Variants in MAP3K21 observed in about 807,000 individuals in gnomAD.
The protein encoded by MAP3K21 is mitogen-activated protein kinase kinase kinase 21.
In MAP3K21, 63 loss-of-function variants were observed where a neutral mutation model predicts 86.1. That is an observed-to-expected ratio of 0.73 (90% CI 0.60 to 0.90). The LOEUF (loss-of-function observed/expected upper bound fraction) is 0.90. MAP3K21 is among the 40% of genes least tolerant of loss of function. The probability of loss-of-function intolerance (pLI) is 0.00; values close to 1 mark genes in which losing one functional copy is unlikely to be tolerated. For synonymous variants in MAP3K21, 558 were observed against 564.8 expected (o/e 0.99, Z 0.17); for missense variants, 1,220 against 1,367.7 (o/e 0.89, Z 1.70).
Position 233,359,823 on chromosome 1 carries a change from G to A in MAP3K21, c.1312-2230G>A, listed in dbSNP as rs1001343401. On this transcript the variant is annotated intron_variant, in intron 4 of 9. Coordinates refer to ENST00000366624, the MANE Select transcript of MAP3K21 (RefSeq NM_032435.3). ...GAATGTTTTTGTGCTTCATACTTTT[G>A]AAGTATTCAAAGGGTTCTAATACCC... Among the ~76,000 whole-genome samples, 6 of 152,184 alleles carry A rather than the reference G, an allele frequency of 3.9e-5. No individual in the cohort carries two copies. The South Asian group carries it at 1.0e-3, about 26-fold the overall frequency.
At chr1:233,335,866 G>A (rs1662902483) in intron 1 of MAP3K21, among the ~76,000 whole-genome samples, 1 of 152,178 alleles carries the variant, frequency 6.6e-6, no homozygotes, top group Non-Finnish European at 1.5e-5. Context: ...AATTTAATGA[G>A]GATGGTGGCA....
chr1:233,330,760 A>G (rs962110979), intron 1 of MAP3K21, among the ~76,000 whole-genome samples: 7 of 152,220 alleles, frequency 4.6e-5, no homozygotes, highest in Non-Finnish European at 7.3e-5. Context: ...TTACTTTTAC[A>G]CTGCACTTAG....
chr1:233,348,021 T>G (rs1311991515), intron 2 of MAP3K21, among the ~76,000 whole-genome samples: 2 of 152,220 alleles, frequency 1.3e-5, no homozygotes, highest in Non-Finnish European at 2.9e-5. Flanking sequence ...AACTGATGCA[T>G]TTAAATTGTA....
rs1236805737 is a variant in MAP3K21, at chr1:233,384,672, T to A, written c.*1961T>A. On this transcript the variant is annotated 3_prime_UTR_variant, in exon 10 of 10. Coordinates refer to ENST00000366624, the MANE Select transcript of MAP3K21 (RefSeq NM_032435.3). ...ACATCCCTGTATGTGTGTGCATGTA[T>A]GTTGGCGTGTGTGTGTGTGCATGCA... 6.6e-6 allele frequency: 1 copy of A among 152,176 alleles called. No individual in the cohort carries two copies. The highest frequency in any genetic ancestry group is 1.5e-5 in the Non-Finnish European group (1 of 68,018). 9.4% of individuals were successfully genotyped at this position (152,176 alleles called of 1,614,324 possible).
At chr1:233,352,009 C>T (rs1663260548) in intron 2 of MAP3K21, among the ~76,000 whole-genome samples, 4 of 152,100 alleles carry the variant, frequency 2.6e-5, no homozygotes, top group Admixed American at 2.6e-4. Context: ...CCACCTCAGC[C>T]TTCTGAGTAG....
Position 233,346,530 on chromosome 1 carries a change from GAC to G in MAP3K21, c.895_896del (p.Thr299HisfsTer24). On this transcript the variant is annotated frameshift_variant, in exon 2 of 10. Coordinates refer to ENST00000366624, the MANE Select transcript of MAP3K21 (RefSeq NM_032435.3). LOFTEE classifies it high-confidence loss of function. ...DFGLAREWHR[T>X]TKMSTAGTYA... is the part of the protein sequence containing the mutation. ...TTGGGTTGGCGAGGGAATGGCACAG[GAC>G]CACCAAAATGAGCACAGCAGGCACC... 3.1e-6 allele frequency: 5 copies of G among 1,613,896 alleles called. No homozygotes were observed. Among genetic ancestry groups the G allele is most frequent in the Non-Finnish European group, 3.4e-6 (4 of 1,179,840 alleles).
chr1:233,349,464 A>G (rs1315404059), intron 2 of MAP3K21, among the ~76,000 whole-genome samples: 1 of 152,208 alleles, frequency 6.6e-6, no homozygotes, highest in Non-Finnish European at 1.5e-5. Flanking sequence ...GTCATGCTCT[A>G]TAGCAACCTT....
At chr1:233,360,629 G>A (rs777730502) in intron 4 of MAP3K21, among the ~76,000 whole-genome samples, 1 of 152,150 alleles carries the variant, frequency 6.6e-6, no homozygotes, top group African/African-American at 2.4e-5. Flanking sequence ...TCGTGATATT[G>A]TCCCATTTAT....
chr1:233,350,161 CTTA>C (rs1365724980), intron 2 of MAP3K21, among the ~76,000 whole-genome samples: 5 of 152,120 alleles, frequency 3.3e-5, no homozygotes. Flanking sequence ...CTCTAGATTA[CTTA>C]TTATTACCTA....
At chr1:233,357,087 A>C (rs1663373362) in intron 4 of MAP3K21, among the ~76,000 whole-genome samples, 1 of 152,220 alleles carries the variant, frequency 6.6e-6, no homozygotes, top group East Asian at 1.9e-4. Context: ...CCTTCTTCTA[A>C]TCAACTTCTT....
chr1:233,353,657 A>T (rs1014112949), intron 2 of MAP3K21, 150 bp from the exon 3 acceptor site: 1 of 600,486 alleles, frequency 1.7e-6, no homozygotes, highest in African/African-American at 1.9e-5. Flanking sequence ...TCCACCTCCC[A>T]CCTTGGGATG....
At chr1:233,334,671 T>G (rs1167887306) in intron 1 of MAP3K21, among the ~76,000 whole-genome samples, 1 of 152,112 alleles carries the variant, frequency 6.6e-6, no homozygotes, top group Non-Finnish European at 1.5e-5. Flanking sequence ...TACTAAGATG[T>G]GTGGACTATT....
intron 1 of MAP3K21, among the ~76,000 whole-genome samples, chr1:233,334,100 C>T (rs947972527): frequency 2.6e-5 from 4 of 151,402 alleles, no homozygotes; most frequent in African/African-American, 9.7e-5. Context: ...CTCCTGACCT[C>T]GTGATCCGTC....
chr1:233,379,048 A>G lies in MAP3K21; in HGVS notation c.2042A>G (p.Glu681Gly). The change falls in exon 9 of 10, where the codon GAG becomes GGG. Residue 681 changes from glutamate to glycine, a missense_variant. Physicochemically the swap from Glu to Gly is moderately conservative, Grantham distance 98 (BLOSUM62 -2). Around this residue, in one of 5 missense-constraint regions of MAP3K21, gnomAD observed 632 missense variants for 691.3 expected, o/e 0.91. Transcript: ENST00000366624. ...CCTCTTGGGAAAGATGCTCAGAGAGAGAATCCTGCAGAAGCTGAAAGCTGG... is the reference window on the plus strand; with the variant it reads ...CCTCTTGGGAAAGATGCTCAGAGAGGGAATCCTGCAGAAGCTGAAAGCTGG... Reference protein sequence around the residue: ...DLPLGKDAQRENPAEAESWEE... With the variant: ...DLPLGKDAQRGNPAEAESWEE... The G allele has an allele frequency of 1.2e-6, 2 of 1,614,222 alleles. No homozygotes were observed. The highest frequency in any genetic ancestry group is 1.7e-6 in the Non-Finnish European group (2 of 1,180,036).
intron 9 of MAP3K21, among the ~76,000 whole-genome samples, chr1:233,381,868 A>G (rs1161953633): frequency 6.6e-6 from 1 of 152,206 alleles, no homozygotes; most frequent in Non-Finnish European, 1.5e-5. Context: ...AAGTTTAATC[A>G]TGTTGACCAT....
chr1:233,337,561 G>C (rs758213193), intron 1 of MAP3K21, among the ~76,000 whole-genome samples: 105 of 152,136 alleles, frequency 6.9e-4, no homozygotes, highest in Non-Finnish European at 1.4e-3. Context: ...TGCAAAATCA[G>C]GTGTCACTTA....
intron 4 of MAP3K21, among the ~76,000 whole-genome samples, chr1:233,356,118 C>T (rs968299084): frequency 6.6e-6 from 1 of 152,192 alleles, no homozygotes; most frequent in Non-Finnish European, 1.5e-5. Flanking sequence ...GTGCCCATTT[C>T]ATGAATGGTG....
chr1:233,335,696 G>A (rs1424170827), intron 1 of MAP3K21, among the ~76,000 whole-genome samples: 1 of 152,036 alleles, frequency 6.6e-6, no homozygotes, highest in East Asian at 1.9e-4. Context: ...TTGCTTTCAG[G>A]ACTCCCAAAG....
chr1:233,371,829 G>A (rs1349399555), intron 5 of MAP3K21, among the ~76,000 whole-genome samples: 2 of 151,500 alleles, frequency 1.3e-5, no homozygotes, highest in African/African-American at 4.9e-5. Context: ...TTCATTATTT[G>A]TGTGACTATA....
Sources: gnomAD v4.1 joint callset for allele counts (sites outside exome capture counted in the v4.1 genomes callset) on GRCh38, gnomAD v4.1.1 for gene constraint, gnomAD v4.1.1 regional missense constraint, MANE v1.5 for transcripts, NCBI Gene and HGNC (gene_info 2026-07-23, HGNC 2026-07-21) for gene names.